NPY1R: variants seen among roughly 807,000 people sequenced by gnomAD.
NPY1R encodes the protein neuropeptide Y receptor type 1.
Under a neutral mutation model 24.1 loss-of-function variants are expected in NPY1R, and 10 were observed. The ratio of observed to expected loss-of-function variants is 0.42; its 90% CI spans 0.26 to 0.71. The LOEUF is 0.71. NPY1R is among the 30% of genes least tolerant of loss of function. The pLI is 0.28. For missense variants in NPY1R, 350 were observed against 458.0 expected (o/e 0.76, Z 2.15); for synonymous variants, 168 against 165.9 (o/e 1.01, Z -0.10).
intron 1 of NPY1R, among the ~76,000 whole-genome samples, chr4:163,339,069 C>T (rs1322914373): frequency 2.0e-5 from 3 of 152,160 alleles, no homozygotes; most frequent in Non-Finnish European, 4.4e-5. Flanking sequence ...ATACAGCTTC[C>T]CAGTTTAAAT....
In NPY1R at chr4:163,325,728, T is replaced by C; in HGVS notation, c.730A>G (p.Met244Val). The change falls in exon 3 of 3, where the codon ATG becomes GTG. Residue 244 changes from methionine (M) to valine (V), a missense_variant. By Grantham distance (21) the Met-to-Val change is conservative (BLOSUM62 1). Transcript: ENST00000296533. ...TTATTGTCTCTCATCTTGTCCATCA[T>C]GTTGTTTCTCCTTTTTAGGCGTATA... ...IYIRLKRRNN[M>V]MDKMRDNKYR... 4 of 1,600,782 alleles carry C rather than the reference T, an allele frequency of 2.5e-6. No homozygotes were observed. In the South Asian group the frequency reaches 4.4e-5, roughly 18 times the overall value.
chr4:163,331,832 G>A (rs767216832), intron 1 of NPY1R, among the ~76,000 whole-genome samples: 1 of 152,212 alleles, frequency 6.6e-6, no homozygotes, highest in African/African-American at 2.4e-5. Context: ...GTGTCTATCG[G>A]GGCGCAGCGC....
chr4:163,338,417 C>A lies in NPY1R; in HGVS notation c.-152+5888G>T, dbSNP rs553866831. Among the ~76,000 whole-genome samples the A allele has an allele frequency of 1.5e-4, 23 of 152,262 alleles. 1 individual carries two copies. The East Asian group carries it at 4.4e-3, about 29-fold the overall frequency. ...CAAATCTTGTAGCTGTGAAAGACAC[C>A]AAACCACAGCTCCCTTCAGAGGACT... On this transcript the variant is annotated intron_variant, in intron 1 of 1. Coordinates refer to the NPY1R transcript ENST00000511901.
In NPY1R at chr4:163,325,255, G is replaced by T. The variant is rs570648696; in HGVS notation, c.*48C>A. On this transcript the variant is annotated 3_prime_UTR_variant, in exon 3 of 3. Coordinates refer to ENST00000296533, the MANE Select transcript of NPY1R (RefSeq NM_000909.6). ...GTAATCAAAGTATGTTGCAGGTTGT[G>T]CTTGTTTTTAAACAGATGTCATCCG... is the stretch of plus-strand genomic sequence containing the variant. 3.0e-6 allele frequency: 4 copies of T among 1,325,636 alleles called. No individual in the cohort carries two copies. The highest frequency in any genetic ancestry group is 4.2e-6 in the Non-Finnish European group (4 of 948,696). 82.1% of individuals were successfully genotyped at this position (1,325,636 alleles called of 1,614,324 possible).
At position 163,338,345 on chromosome 4, in the gene NPY1R, A is replaced by C. The variant is rs145347619; in HGVS notation, c.-152+5960T>G. On this transcript the variant is annotated intron_variant, in intron 1 of 1. Transcript: ENST00000511901. ...TAGCCCATTTAGAGCCTACCTTCTTAAATGCCCCATGAAACTCCACCCAAC... is the reference window on the plus strand; with the variant it reads ...TAGCCCATTTAGAGCCTACCTTCTTCAATGCCCCATGAAACTCCACCCAAC... 3.1e-3 allele frequency among the ~76,000 whole-genome samples: 477 copies of C among 152,274 alleles called. 3 individuals carry two copies. Among genetic ancestry groups the C allele is most frequent in the African/African-American group, 0.011 (457 of 41,548 alleles).
rs988785868 is a variant in NPY1R at position 163,324,444 on chromosome 4, A to T, written c.*859T>A. ...ACATATTTATGCCAGAAAGCTTGAC[A>T]AACACTGAACAGTCTGTAAAAAAAA... On this transcript the variant is annotated 3_prime_UTR_variant, in exon 3 of 3. Transcript: ENST00000296533. 6.6e-6 allele frequency: 1 copy of T among 152,214 alleles called. No homozygotes were observed. The highest frequency in any genetic ancestry group is 1.5e-5 in the Non-Finnish European group (1 of 68,036). 9.4% of individuals were successfully genotyped at this position (152,214 alleles called of 1,614,324 possible). A position where few individuals can be genotyped will look rare whatever the true frequency, so the allele number is the denominator to read the frequency against.
rs1734587750 is a variant in NPY1R, at chr4:163,325,662, G to A, written c.796C>T (p.Leu266Phe). 1 of 1,606,710 alleles carries A rather than the reference G, an allele frequency of 6.2e-7. No homozygotes were observed. The highest frequency in any genetic ancestry group is 8.5e-7 in the Non-Finnish European group (1 of 1,178,826). Residue 266 changes from leucine (L) to phenylalanine (F), a missense_variant, in exon 3 of 3, where the codon CTC (leucine) becomes TTC (phenylalanine). Physicochemically the swap from Leu to Phe is conservative, Grantham distance 22. Coordinates refer to ENST00000296533, the MANE Select transcript of NPY1R (RefSeq NM_000909.6). ...SETKRINIML[L>F]SIVVAFAVCW... ...ACTGCAAATGCTACCACAATGGAGAGCAGCATGATATTGATTCTTTTGGTT... is the reference window on the plus strand; with the variant it reads ...ACTGCAAATGCTACCACAATGGAGAACAGCATGATATTGATTCTTTTGGTT...
In NPY1R at chr4:163,338,505, C is replaced by T. The variant is rs115654323; in HGVS notation, c.-152+5800G>A. Among the ~76,000 whole-genome samples the T allele has an allele frequency of 9.6e-3, 1,464 of 152,158 alleles. 11 individuals carry two copies. The highest frequency in any genetic ancestry group is 0.016 in the Non-Finnish European group (1,090 of 67,994). On this transcript the variant is annotated intron_variant, in intron 1 of 1. Coordinates refer to the NPY1R transcript ENST00000511901. ...TCACCCACACATGTAAGTCTCCTCT[C>T]TACTTTCCCCTTCTGCCCCTTCTAG...
chr4:163,341,680 G>A (rs1447768920), intron 1 of NPY1R, among the ~76,000 whole-genome samples: 2 of 152,080 alleles, frequency 1.3e-5, no homozygotes, highest in African/African-American at 4.8e-5. Context: ...GTTTAATTTT[G>A]TAACATGCAT....
At chr4:163,342,003 A>G (rs181914860) in intron 1 of NPY1R, among the ~76,000 whole-genome samples, 1 of 152,292 alleles carries the variant, frequency 6.6e-6, no homozygotes, top group Admixed American at 6.5e-5. Context: ...AAGTGTTCTT[A>G]ATACTGTGTA....
At chr4:163,344,608 G>T (rs766927261) in exon 1 of NPY1R, 1 of 152,244 alleles carries the variant, frequency 6.6e-6, no homozygotes, top group Non-Finnish European at 1.5e-5. Flanking sequence ...TAAGGTTTGC[G>T]CTCCTGTTTG....
chr4:163,343,381 C>G (rs550510519), intron 1 of NPY1R, among the ~76,000 whole-genome samples: 1 of 152,064 alleles, frequency 6.6e-6, no homozygotes, highest in East Asian at 1.9e-4. Flanking sequence ...TGTTGCCTCT[C>G]CTGAACATTG....
upstream of NPY1R, among the ~76,000 whole-genome samples, chr4:163,334,922 A>G (rs1449304474): frequency 1.3e-5 from 2 of 151,956 alleles, no homozygotes; most frequent in Non-Finnish European, 2.9e-5. Context: ...CTTTAGGAAT[A>G]CCATTTACTA....
chr4:163,331,804 G>A (rs773723594), intron 1 of NPY1R, among the ~76,000 whole-genome samples: 1 of 152,208 alleles, frequency 6.6e-6, no homozygotes, highest in African/African-American at 2.4e-5. Flanking sequence ...TTAGAACTCC[G>A]ATGATTAAAA....
intron 1 of NPY1R, among the ~76,000 whole-genome samples, chr4:163,328,088 T>G (rs67605348): frequency 0.15 from 6,933 of 46,560 alleles, 260 homozygotes; most frequent in Admixed American, 0.23. Flanking sequence ...AGAACATGAG[T>G]TTTTTTTTTT....
chr4:163,332,168 T>C (rs1200529119), intron 1 of NPY1R, among the ~76,000 whole-genome samples: 6 of 152,190 alleles, frequency 3.9e-5, no homozygotes, highest in Non-Finnish European at 7.4e-5. Context: ...GCCTCGGCCT[T>C]TTAAAGAGAA....
upstream of NPY1R, among the ~76,000 whole-genome samples, chr4:163,336,744 T>C (rs1734847341): frequency 6.6e-6 from 1 of 152,180 alleles, no homozygotes; most frequent in Non-Finnish European, 1.5e-5. Context: ...GTGGATCACC[T>C]GAGGTCAGGA....
Position 163,325,515 on chromosome 4 carries a change from C to T in NPY1R, c.943G>A (p.Val315Ile), listed in dbSNP as rs1331958228. 2 of 1,614,012 alleles carry T rather than the reference C, an allele frequency of 1.2e-6. No homozygotes were observed. Among genetic ancestry groups the T allele is most frequent in the Non-Finnish European group, 1.7e-6 (2 of 1,179,960 alleles). Residue 315 changes from valine (V) to isoleucine (I), a missense_variant, in exon 3 of 3, where the codon GTC becomes ATC. By Grantham distance (29) the Val-to-Ile change is conservative. Transcript: ENST00000296533. ...AGGAACCCATAAAATATGGGGTTGA[C>T]ACAAGTGGATATCATTGCTGTGAGG... ...CHLTAMISTCVNPIFYGFLNK... is the reference protein window; with the variant it reads ...CHLTAMISTCINPIFYGFLNK...
upstream of NPY1R, among the ~76,000 whole-genome samples, chr4:163,336,607 A>G (rs1339360960): frequency 6.6e-6 from 1 of 152,188 alleles, no homozygotes; most frequent in Non-Finnish European, 1.5e-5. Flanking sequence ...TCAGATGGCC[A>G]ATGTCAATAG....
Sources: allele counts gnomAD v4.1 joint callset (sites outside exome capture counted in the v4.1 genomes callset), GRCh38; gene constraint gnomAD v4.1.1; transcripts MANE v1.5; gene names NCBI Gene and HGNC (gene_info 2026-07-23, HGNC 2026-07-21).